Variants in CD226 observed in about 807,000 individuals in gnomAD.
The protein encoded by CD226 is CD226 antigen.
Under a neutral mutation model 34.9 loss-of-function variants are expected in CD226, and 24 were observed. The ratio of observed to expected loss-of-function variants is 0.69; its 90% CI spans 0.50 to 0.97. The LOEUF is 0.97. Ranked by LOEUF, CD226 falls within the 50% of genes least tolerant of loss-of-function variation. The pLI is 0.00. For synonymous variants in CD226, 148 were observed against 147.4 expected (o/e 1.00, Z -0.03); for missense variants, 397 against 412.7 (o/e 0.96, Z 0.33).
chr18:69,908,340 T>C (rs2055281838), intron 2 of CD226, among the ~76,000 whole-genome samples: 1 of 152,242 alleles, frequency 6.6e-6, no homozygotes, highest in South Asian at 2.1e-4. Context: ...AATTGTAGGG[T>C]GAATTGTACT....
In CD226 at chr18:69,887,940, T is replaced by C. The variant is rs543985321; in HGVS notation, c.727+7761A>G. ...ATAAATAATAGCTTAAAGATAGAAA[T>C]TGGGGTTCAAAGATATACTTCTACT... On this transcript the variant is annotated intron_variant, in intron 3 of 5. Transcript: ENST00000582621. Among the ~76,000 whole-genome samples, 13 of 152,302 alleles carry C rather than the reference T, an allele frequency of 8.5e-5. No individual in the cohort carries two copies. In the South Asian group the frequency reaches 2.7e-3, roughly 32 times the overall value.
intron 1 of CD226, among the ~76,000 whole-genome samples, chr18:69,953,021 A>G (rs2055866851): frequency 6.6e-6 from 1 of 152,224 alleles, no homozygotes; most frequent in African/African-American, 2.4e-5. Flanking sequence ...AACTCACTTT[A>G]TATCTACTAG....
intron 1 of CD226, among the ~76,000 whole-genome samples, chr18:69,955,862 CAA>C (rs10659184): frequency 3.6e-5 from 3 of 83,240 alleles, no homozygotes; most frequent in Admixed American, 1.6e-4. Flanking sequence ...GACTCCATCT[CAA>C]AAAAAAAAAA....
At chr18:69,952,424 A>C (rs1422625909), upstream of CD226, among the ~76,000 whole-genome samples, 2 of 152,232 alleles carry the variant, frequency 1.3e-5, no homozygotes, top group Non-Finnish European at 2.9e-5. Context: ...CCTTGAATTT[A>C]TACAAATAAA....
intron 3 of CD226, among the ~76,000 whole-genome samples, chr18:69,894,871 C>T (rs1393346838): frequency 6.6e-6 from 1 of 151,748 alleles, no homozygotes; most frequent in Non-Finnish European, 1.5e-5. Flanking sequence ...TTCTCATACT[C>T]ATGCAAAGTG....
intron 2 of CD226, among the ~76,000 whole-genome samples, chr18:69,896,851 T>C (rs1985331286): frequency 6.6e-6 from 1 of 152,210 alleles, no homozygotes; most frequent in Non-Finnish European, 1.5e-5. Context: ...CAGGGTTGTC[T>C]TACACATGGG....
At chr18:69,921,128 G>A (rs116941012) in intron 2 of CD226, among the ~76,000 whole-genome samples, 1,818 of 152,160 alleles carry the variant, frequency 0.012, 17 homozygotes, top group Non-Finnish European at 0.019. Flanking sequence ...CTCTCTGCTT[G>A]CAAACCAGTT....
rs1982988669 is a variant in CD226, at chr18:69,864,235, G to C, written c.*79C>G. 1.5e-6 allele frequency: 2 copies of C among 1,350,060 alleles called. No homozygotes were observed. The highest frequency in any genetic ancestry group is 2.1e-6 in the Non-Finnish European group (2 of 956,566). 83.6% of individuals were successfully genotyped at this position (1,350,060 alleles called of 1,614,324 possible). A position where few individuals can be genotyped will look rare whatever the true frequency, so the allele number is the denominator to read the frequency against. On this transcript the variant is annotated 3_prime_UTR_variant, in exon 6 of 6. Coordinates refer to ENST00000582621, the MANE Select transcript of CD226 (RefSeq NM_001303618.2). ...AACTAGTATCTAAGGTAGACCTTGG[G>C]TAGTGGAAAAAAATTGCATAAAGAT... is the stretch of plus-strand genomic sequence containing the variant.
At chr18:69,905,889 G>A (rs910674174) in intron 2 of CD226, among the ~76,000 whole-genome samples, 1 of 152,154 alleles carries the variant, frequency 6.6e-6, no homozygotes, top group Non-Finnish European at 1.5e-5. Flanking sequence ...TGCTCACCAA[G>A]GTCTGTCAAA....
intron 2 of CD226, among the ~76,000 whole-genome samples, chr18:69,909,676 G>A (rs2145282733): frequency 6.6e-6 from 1 of 152,324 alleles, no homozygotes; most frequent in Admixed American, 6.5e-5. Context: ...AGGGAAACAA[G>A]AGTGTCCATG....
intron 3 of CD226, among the ~76,000 whole-genome samples, chr18:69,889,454 G>A (rs1304316137): frequency 6.7e-6 from 1 of 148,954 alleles, no homozygotes; most frequent in Non-Finnish European, 1.5e-5. Flanking sequence ...ATTCATAGGA[G>A]TGGGACAGAA....
chr18:69,933,829 T>C (rs2055618067), intron 2 of CD226, among the ~76,000 whole-genome samples: 1 of 152,232 alleles, frequency 6.6e-6, no homozygotes, highest in Non-Finnish European at 1.5e-5. Context: ...ATTCAAACAC[T>C]GTGTCAGCAC....
intron 3 of CD226, among the ~76,000 whole-genome samples, chr18:69,894,793 G>A (rs1232866377): frequency 2.6e-5 from 4 of 151,876 alleles, no homozygotes; most frequent in African/African-American, 9.7e-5. Context: ...CTGTAATGCA[G>A]GCCTCTACAC....
intron 3 of CD226, among the ~76,000 whole-genome samples, chr18:69,877,118 C>A (rs1471189574): frequency 6.6e-6 from 1 of 152,146 alleles, no homozygotes; most frequent in Non-Finnish European, 1.5e-5. Context: ...CCCTCCTCGG[C>A]CTCCCAAAGT....
rs2145160609 is a variant in CD226 at position 69,859,084 on chromosome 18, AAAC to A, written c.*5227_*5229del. 1 of 152,226 alleles carries A rather than the reference AAAC, an allele frequency of 6.6e-6. No homozygotes were observed. Among genetic ancestry groups the A allele is most frequent in the South Asian group, 2.1e-4 (1 of 4,820 alleles). 9.4% of individuals were successfully genotyped at this position (152,226 alleles called of 1,614,324 possible). A position where few individuals can be genotyped will look rare whatever the true frequency, so the allele number is the denominator to read the frequency against. ...TTATTCCTTGTTATGGGCACTCGTT[AAAC>A]ATTTACAACACGGAAACACATGTCC... is the stretch of plus-strand genomic sequence containing the variant. On this transcript the variant is annotated 3_prime_UTR_variant, in exon 6 of 6. Transcript: ENST00000582621.
intron 2 of CD226, among the ~76,000 whole-genome samples, chr18:69,922,729 C>T (rs891789078): frequency 5.3e-5 from 8 of 152,294 alleles, no homozygotes; most frequent in African/African-American, 1.2e-4. Context: ...GTGCTGAAAA[C>T]GAACCCCTGG....
At position 69,947,390 on chromosome 18, in the gene CD226, A is replaced by C. The variant is rs1318428143; in HGVS notation, c.17T>G (p.Leu6Ter). The change falls in exon 1 of 6, where the codon TTA becomes TGA. Residue 6 changes from leucine to a stop codon, truncating the protein, a stop_gained. Transcript: ENST00000582621. LOFTEE classifies it high-confidence loss of function. The part of the protein sequence containing the change: MDYPT[L>*]LLALLHVYRA... The stretch of plus-strand genomic sequence containing the variant: ...GTATACATGAAGAAGAGCCAAAAGT[A>C]AAGTAGGATAATCCATCTCTGGAAA... 1 of 1,588,478 alleles carries C rather than the reference A, an allele frequency of 6.3e-7. No individual in the cohort carries two copies. The highest frequency in any genetic ancestry group is 2.2e-5 in the East Asian group (1 of 44,600).
rs529909280 is a variant in CD226 at position 69,869,804 on chromosome 18, T to C, written c.831-2393A>G. Among the ~76,000 whole-genome samples the C allele has an allele frequency of 4.6e-3, 665 of 144,754 alleles. 10 individuals are homozygous for C. Among genetic ancestry groups the C allele is most frequent in the African/African-American group, 0.016 (623 of 39,410 alleles). 95.0% of individuals were successfully genotyped at this position (144,754 alleles called of 152,430 possible). A position where few individuals can be genotyped will look rare whatever the true frequency, so the allele number is the denominator to read the frequency against. The stretch of plus-strand genomic sequence containing the variant: ...TGAGAGATTTTCTTTTTTTTCTTTT[T>C]TTTTTTTTTTTTTTGAGATGGAGTC... On this transcript the variant is annotated intron_variant, in intron 4 of 5. Transcript: ENST00000582621.
chr18:69,881,914 T>A (rs1349200257), intron 3 of CD226, among the ~76,000 whole-genome samples: 1 of 152,216 alleles, frequency 6.6e-6, no homozygotes, highest in Non-Finnish European at 1.5e-5. Flanking sequence ...TTTTCAAAGG[T>A]CAACTTTCTT....
Sources: gnomAD v4.1 joint callset for allele counts (sites outside exome capture counted in the v4.1 genomes callset) on GRCh38, gnomAD v4.1.1 for gene constraint, MANE v1.5 for transcripts, NCBI Gene and HGNC (gene_info 2026-07-23, HGNC 2026-07-21) for gene names.